NELL1: variants seen among roughly 807,000 people sequenced by gnomAD.
NELL1 encodes the protein neural EGFL like 1.
NELL1 carries 76 observed loss-of-function variants against 107.4 expected under a neutral mutation model. The observed-to-expected ratio is 0.71, with a 90% confidence interval of 0.59 to 0.86. The LOEUF (loss-of-function observed/expected upper bound fraction) is 0.86, where lower values mean the gene tolerates loss of function less well. Ranked by LOEUF, NELL1 falls within the 40% of genes least tolerant of loss-of-function variation. The pLI, the probability that NELL1 is intolerant of heterozygous loss-of-function variation, is 0.00. For synonymous variants in NELL1, 353 were observed against 341.2 expected (o/e 1.03, Z -0.38); for missense variants, 1,024 against 1,005.5 (o/e 1.02, Z -0.25).
intron 4 of NELL1, among the ~76,000 whole-genome samples, chr11:20,868,493 T>A (rs1030972120): frequency 3.9e-5 from 6 of 152,198 alleles, no homozygotes; most frequent in African/African-American, 1.4e-4. Flanking sequence ...GTGAATGTAA[T>A]TAATGTTACT....
chr11:21,249,062 C>G (rs536814855), intron 14 of NELL1, among the ~76,000 whole-genome samples: 11 of 152,102 alleles, frequency 7.2e-5, no homozygotes, highest in Non-Finnish European at 1.5e-4. Flanking sequence ...TCAGGACCAC[C>G]CCCTAGTTTT....
At chr11:20,781,007 C>T (rs1362216500) in intron 2 of NELL1, among the ~76,000 whole-genome samples, 2 of 152,056 alleles carry the variant, frequency 1.3e-5, no homozygotes, top group African/African-American at 2.4e-5. Flanking sequence ...TGAAATGACT[C>T]GGACTTAGGG....
chr11:21,441,963 C>CA (rs1278537818), intron 15 of NELL1, among the ~76,000 whole-genome samples: 1 of 151,486 alleles, frequency 6.6e-6, no homozygotes, highest in Non-Finnish European at 1.5e-5. Flanking sequence ...TTAAATGCAG[C>CA]AAAATAACTT....
intron 18 of NELL1, among the ~76,000 whole-genome samples, chr11:21,572,600 CA>C (rs1480394573): frequency 7.0e-6 from 1 of 143,736 alleles, no homozygotes; most frequent in African/African-American, 3.0e-5. Flanking sequence ...TGCTGAGACA[CA>C]CAAAAGCTCC....
chr11:21,038,493 A>G (rs769119879), intron 12 of NELL1, among the ~76,000 whole-genome samples: 39 of 152,084 alleles, frequency 2.6e-4, no homozygotes, highest in Non-Finnish European at 2.1e-4. Flanking sequence ...AGAGAAGTAT[A>G]TAACTATATT....
At chr11:21,203,668 G>T (rs61251877) in intron 13 of NELL1, among the ~76,000 whole-genome samples, 1,524 of 151,962 alleles carry the variant, frequency 0.01, 18 homozygotes, top group African/African-American at 0.035. Flanking sequence ...ATGCTAGATG[G>T]GTATTTTTCC....
chr11:20,779,921 C>T (rs1856821222), intron 2 of NELL1, among the ~76,000 whole-genome samples: 1 of 152,210 alleles, frequency 6.6e-6, no homozygotes, highest in Non-Finnish European at 1.5e-5. Context: ...CTGCAAAACT[C>T]AAAGTGATCT....
intron 13 of NELL1, among the ~76,000 whole-genome samples, chr11:21,147,525 T>C (rs978074328): frequency 6.6e-6 from 1 of 152,108 alleles, no homozygotes; most frequent in African/African-American, 2.4e-5. Flanking sequence ...CTGCATTTAG[T>C]GGTAAATACC....
At chr11:21,409,709 G>A (rs1165543793) in intron 15 of NELL1, among the ~76,000 whole-genome samples, 2 of 151,882 alleles carry the variant, frequency 1.3e-5, no homozygotes. Flanking sequence ...GAAATTATAA[G>A]GCTATTACAT....
intron 16 of NELL1, among the ~76,000 whole-genome samples, chr11:21,558,131 G>A (rs1856765819): frequency 6.6e-6 from 1 of 151,910 alleles, no homozygotes; most frequent in South Asian, 2.1e-4. Context: ...AGGAAGGAAA[G>A]TGCTTATCAA....
chr11:21,093,711 C>CAA (rs1397698857), intron 12 of NELL1, among the ~76,000 whole-genome samples: 1 of 152,066 alleles, frequency 6.6e-6, no homozygotes, highest in Non-Finnish European at 1.5e-5. Context: ...TGGCAGCAGG[C>CAA]AAAAAGAGAG....
At chr11:21,086,901 G>A (rs994532241) in intron 12 of NELL1, among the ~76,000 whole-genome samples, 2 of 142,026 alleles carry the variant, frequency 1.4e-5, no homozygotes, top group East Asian at 2.1e-4. Context: ...GAACGATCTC[G>A]GCTCACTGCA....
intron 3 of NELL1, among the ~76,000 whole-genome samples, chr11:20,811,827 G>A (rs889397406): frequency 6.6e-6 from 1 of 151,990 alleles, no homozygotes; most frequent in East Asian, 1.9e-4. Flanking sequence ...TATAGTTTTT[G>A]TGGTGATGTC....
At chr11:20,772,379 T>C (rs1308708465) in intron 2 of NELL1, among the ~76,000 whole-genome samples, 1 of 152,232 alleles carries the variant, frequency 6.6e-6, no homozygotes, top group Non-Finnish European at 1.5e-5. Flanking sequence ...CTCTGCTACT[T>C]GCTAGAGGTG....
chr11:21,435,680 G>A (rs1853095094), intron 15 of NELL1, among the ~76,000 whole-genome samples: 2 of 151,966 alleles, frequency 1.3e-5, no homozygotes, highest in South Asian at 4.1e-4. Flanking sequence ...AATCCCATTT[G>A]ATCATGGTGT....
At chr11:21,417,822 A>G (rs1852555128) in intron 15 of NELL1, among the ~76,000 whole-genome samples, 1 of 151,962 alleles carries the variant, frequency 6.6e-6, no homozygotes, top group African/African-American at 2.4e-5. Context: ...TATTAGTCGC[A>G]CCTCACATCC....
intron 15 of NELL1, among the ~76,000 whole-genome samples, chr11:21,454,739 G>A (rs779924097): frequency 2.6e-5 from 4 of 152,148 alleles, no homozygotes; most frequent in South Asian, 2.1e-4. Context: ...CAGCTGCAGC[G>A]GGTTTCCTTC....
intron 3 of NELL1, among the ~76,000 whole-genome samples, chr11:20,833,045 T>C (rs1269170915): frequency 6.6e-6 from 1 of 152,192 alleles, no homozygotes; most frequent in Non-Finnish European, 1.5e-5. Flanking sequence ...ATTTCAGTTA[T>C]GGGACAGAGT....
chr11:21,412,561 G>C (rs940175721), intron 15 of NELL1, among the ~76,000 whole-genome samples: 1 of 152,056 alleles, frequency 6.6e-6, no homozygotes, highest in Admixed American at 6.6e-5. Context: ...TGATGTCCAT[G>C]CTTAGTGCAT....
Sources: allele counts gnomAD v4.1 joint callset (sites outside exome capture counted in the v4.1 genomes callset), GRCh38; gene constraint gnomAD v4.1.1; transcripts MANE v1.5; gene names NCBI Gene and HGNC (gene_info 2026-07-23, HGNC 2026-07-21).